TET3: variants seen among roughly 807,000 people sequenced by gnomAD.
TET3 encodes tet methylcytosine dioxygenase 3.
Under a neutral mutation model 141.4 loss-of-function variants are expected in TET3, and 19 were observed. The ratio of observed to expected loss-of-function variants is 0.13; its 90% CI spans 0.09 to 0.20. The LOEUF (loss-of-function observed/expected upper bound fraction) is 0.20. Among genes scored for constraint, TET3 ranks in the 10% least tolerant of loss-of-function variants. The pLI, the probability that TET3 is intolerant of heterozygous loss-of-function variation, is 1.00. For missense variants in TET3, 1,874 were observed against 2,356.9 expected, an observed-to-expected ratio of 0.80 and a Z score of 4.24; for synonymous variants, 1,043 against 980.9, an observed-to-expected ratio of 1.06 and a Z score of -1.18.
chr2:74,010,288 C>A (rs941654297), intron 3 of TET3, among the ~76,000 whole-genome samples: 6 of 152,230 alleles, frequency 3.9e-5, no homozygotes, highest in Non-Finnish European at 8.8e-5. Flanking sequence ...CAGATGCTGC[C>A]GCCTCCATGT....
chr2:74,112,033 C>A (rs572555557), downstream of TET3, among the ~76,000 whole-genome samples: 28 of 152,294 alleles, frequency 1.8e-4, no homozygotes, highest in African/African-American at 6.7e-4. Context: ...TTCTAGCCCC[C>A]ATTTGATCTC....
intron 2 of TET3, among the ~76,000 whole-genome samples, chr2:73,999,919 T>C (rs899265983): frequency 1.3e-5 from 2 of 151,952 alleles, no homozygotes; most frequent in Non-Finnish European, 2.9e-5. Flanking sequence ...TGGGAGCAGA[T>C]GGACTGCCTG....
chr2:74,091,324 C>G (rs6546889), intron 8 of TET3, among the ~76,000 whole-genome samples: 20,216 of 152,234 alleles, frequency 0.13, 3,517 homozygotes, highest in African/African-American at 0.4. Flanking sequence ...GTTCTACCAA[C>G]TGCCACTTCC....
chr2:74,104,309 T>C lies in TET3; in HGVS notation c.*2133T>C, dbSNP rs752196351. 2.0e-5 allele frequency: 3 copies of C among 152,204 alleles called. No individual in the cohort carries two copies. The highest frequency in any genetic ancestry group is 2.9e-5 in the Non-Finnish European group (2 of 68,038). The allele number at this position is 152,204 out of a possible 1,614,324, so 9.4% of individuals were successfully genotyped here. ...CTTTTGAAATAAATACCCAAGAGCTTATCAGGACTTAGAATTATTCAGAAC... is the reference window on the plus strand; with the variant it reads ...CTTTTGAAATAAATACCCAAGAGCTCATCAGGACTTAGAATTATTCAGAAC... On this transcript the variant is annotated 3_prime_UTR_variant, in exon 12 of 12. Transcript: ENST00000409262.
rs1687759912 is a variant in TET3, at chr2:74,048,325, T to C, written c.2408T>C (p.Leu803Pro). The C allele has an allele frequency of 6.2e-7, 1 of 1,613,668 alleles. No individual in the cohort carries two copies. The highest frequency in any genetic ancestry group is 8.5e-7 in the Non-Finnish European group (1 of 1,179,836). The change falls in exon 4 of 12, where the codon CTT (leucine) becomes CCT (proline). Residue 803 changes from leucine to proline, a missense_variant. This residue lies in a region of TET3 where 83 missense variants were observed against 107.0 expected (regional missense o/e 0.78). Coordinates refer to ENST00000409262, the MANE Select transcript of TET3 (RefSeq NM_001287491.2). ...CTCAGTGGCTTCTTGGAGTCACCTC[T>C]TAAGTACCTGGACACACCCACCAAG... ...PTLSGFLESPLKYLDTPTKSL... is the reference protein window; with the variant it reads ...PTLSGFLESPPKYLDTPTKSL...
chr2:74,027,060 A>C (rs1378335786), intron 3 of TET3, among the ~76,000 whole-genome samples: 1 of 152,232 alleles, frequency 6.6e-6, no homozygotes, highest in Non-Finnish European at 1.5e-5. Context: ...TTTCACTTGT[A>C]ACCCAGTAGG....
In TET3 at chr2:74,046,395, A is replaced by G; in HGVS notation, c.478A>G (p.Arg160Gly). The G allele has an allele frequency of 6.4e-7, 1 of 1,565,786 alleles. No individual in the cohort carries two copies. The highest frequency in any genetic ancestry group is 2.2e-5 in the East Asian group (1 of 44,702). The part of the protein sequence containing the change: ...SASGVPVNGA[R>G]EPAGPSLLGT... ...CTCAGGGGTGCCGGTCAATGGTGCTAGAGAGCCCGCTGGACCCAGTCTGCT... is the reference window on the plus strand; with the variant it reads ...CTCAGGGGTGCCGGTCAATGGTGCTGGAGAGCCCGCTGGACCCAGTCTGCT... The change falls in exon 4 of 12, where the codon AGA becomes GGA. Residue 160 changes from arginine (R) to glycine (G), a missense_variant. Coordinates refer to ENST00000409262, the MANE Select transcript of TET3 (RefSeq NM_001287491.2). This position sits in a 1 kb window ranked among gnomAD's most constrained non-coding sequence, Gnocchi z 4.3.
At chr2:74,069,064 A>T (rs1487588052) in intron 4 of TET3, among the ~76,000 whole-genome samples, 2 of 151,994 alleles carry the variant, frequency 1.3e-5, no homozygotes, top group African/African-American at 4.8e-5. Context: ...TTGGAATTTT[A>T]TGTCATACTT....
At chr2:74,132,497 G>C in the TET3 span, among the ~76,000 whole-genome samples, 73 of 152,258 alleles carry the variant, frequency 4.8e-4, no homozygotes, top group Admixed American at 3.5e-3. Flanking sequence ...AAGTGATCCT[G>C]CTGCCTCAGC....
intron 4 of TET3, among the ~76,000 whole-genome samples, chr2:74,049,907 GC>G (rs1057416412): frequency 6.6e-6 from 1 of 152,044 alleles, no homozygotes; most frequent in African/African-American, 2.4e-5. Context: ...GTTCCCACTG[GC>G]CCTGTCCATT....
intron 4 of TET3, among the ~76,000 whole-genome samples, chr2:74,073,079 C>A (rs1689299368): frequency 6.6e-6 from 1 of 152,172 alleles, no homozygotes; most frequent in African/African-American, 2.4e-5. Flanking sequence ...TCTGTTTGAG[C>A]CTCTGTCTTC....
chr2:74,040,395 G>A (rs1239002224), intron 3 of TET3, among the ~76,000 whole-genome samples: 1 of 152,184 alleles, frequency 6.6e-6, no homozygotes, highest in Non-Finnish European at 1.5e-5. Context: ...TTGAGAGACA[G>A]TTCACATTTA....
chr2:74,048,653 G>T (rs1687779648), intron 4 of TET3, among the ~76,000 whole-genome samples: 1 of 152,214 alleles, frequency 6.6e-6, no homozygotes, highest in Non-Finnish European at 1.5e-5. Flanking sequence ...CACAAATGGA[G>T]TTGAAGGCAT....
intron 11 of TET3, 48 bp from the exon 12 acceptor site, chr2:74,100,345 G>C (rs757628634): frequency 5.9e-6 from 9 of 1,535,708 alleles, no homozygotes; most frequent in African/African-American, 1.4e-5. Flanking sequence ...GCCTCTCCAG[G>C]CTGTGGTGTT....
At chr2:74,126,545 C>T in the TET3 span, among the ~76,000 whole-genome samples, 2 of 144,696 alleles carry the variant, frequency 1.4e-5, no homozygotes, top group African/African-American at 5.1e-5. Flanking sequence ...CTCTGTCACC[C>T]AGGCTGGAGT....
chr2:74,019,235 C>T lies in TET3; in HGVS notation c.360+16069C>T, dbSNP rs916637899. On this transcript the variant is annotated intron_variant, in intron 3 of 11. Coordinates refer to ENST00000409262, the MANE Select transcript of TET3 (RefSeq NM_001287491.2). ...TCTGGCCACTGCACTCCAGTCTGGG[C>T]GACAGAAGGAGACTCTGTCTCTAAT... Among the ~76,000 whole-genome samples, 7 of 152,096 alleles carry T rather than the reference C, an allele frequency of 4.6e-5. 1 individual carries two copies. In the South Asian group the frequency reaches 1.0e-3, roughly 23 times the overall value.
At chr2:73,994,226 G>C (rs1291241902) in intron 2 of TET3, among the ~76,000 whole-genome samples, 1 of 152,200 alleles carries the variant, frequency 6.6e-6, no homozygotes, top group Non-Finnish European at 1.5e-5. Context: ...CTTGAAATCT[G>C]TCAGAGTGGT....
chr2:74,046,606 G>T lies in TET3; in HGVS notation c.689G>T (p.Arg230Leu). 2 of 1,614,038 alleles carry T rather than the reference G, an allele frequency of 1.2e-6. No individual in the cohort carries two copies. The highest frequency in any genetic ancestry group is 1.1e-5 in the South Asian group (1 of 91,088). ...GAAACCTTCAACCGTGAGATGAGTC[G>T]TGAGGCTGGGAACAACAGCAGGGGA... ...LYETFNREMS[R>L]EAGNNSRGPR... is the part of the protein sequence containing the mutation. The change falls in exon 4 of 12, where the codon CGT (arginine) becomes CTT (leucine). Residue 230 changes from arginine (R) to leucine (L), a missense_variant. Around this residue, in one of 10 missense-constraint regions of TET3, gnomAD observed 366 missense variants for 487.0 expected, o/e 0.75. Coordinates refer to ENST00000409262, the MANE Select transcript of TET3 (RefSeq NM_001287491.2). The surrounding 1 kb of genome is among the most constrained non-coding windows in gnomAD (Gnocchi z 4.3).
chr2:74,006,410 G>A (rs1467155567), intron 3 of TET3, among the ~76,000 whole-genome samples: 8 of 152,238 alleles, frequency 5.3e-5, no homozygotes, highest in Admixed American at 5.2e-4. Flanking sequence ...CTTTTTGAAT[G>A]TCATGGGAGA....
Sources: allele counts gnomAD v4.1 joint callset (sites outside exome capture counted in the v4.1 genomes callset), GRCh38; gene constraint gnomAD v4.1.1; regional missense constraint gnomAD v4.1.1; non-coding constraint Gnocchi (gnomAD v3.1); transcripts MANE v1.5; gene names NCBI Gene and HGNC (gene_info 2026-07-23, HGNC 2026-07-21).